Variants in MICU2 observed in about 807,000 individuals in gnomAD.
MICU2 encodes the protein calcium uptake protein 2, mitochondrial.
Under a neutral mutation model 60.4 loss-of-function variants are expected in MICU2, and 64 were observed. The observed-to-expected ratio is 1.06, with a 90% CI of 0.87 to 1.31. The LOEUF (loss-of-function observed/expected upper bound fraction) is 1.31. Among genes scored for constraint, MICU2 ranks in the 50% most tolerant of loss-of-function variants. The pLI is 0.00. For synonymous variants in MICU2, 201 were observed against 175.0 expected, an observed-to-expected ratio of 1.15 and a Z score of -1.17; for missense variants, 569 against 531.0, an observed-to-expected ratio of 1.07 and a Z score of -0.70.
chr13:21,522,520 C>T lies in MICU2; in HGVS notation c.514+83G>A, dbSNP rs190153741. ...TCAATAATGTTTTTAATGATAAAGA[C>T]ATAAATGCCAAACTTTTAAAATCCT... On this transcript the variant is annotated intron_variant, in intron 5 of 11. Coordinates refer to ENST00000382374, the MANE Select transcript of MICU2 (RefSeq NM_152726.3). 3.8e-4 allele frequency: 411 copies of T among 1,071,830 alleles called. 3 individuals carry two copies. In the African/African-American group the frequency reaches 6.1e-3, roughly 16 times the overall value. 66.4% of individuals were successfully genotyped at this position (1,071,830 alleles called of 1,614,324 possible). A position where few individuals can be genotyped will look rare whatever the true frequency, so the allele number is the denominator to read the frequency against.
intron 2 of MICU2, 26 bp from the exon 3 acceptor site, chr13:21,539,714 A>G: frequency 6.2e-7 from 1 of 1,605,036 alleles, no homozygotes; most frequent in Non-Finnish European, 8.5e-7. Context: ...AACATTATTT[A>G]GTATCCATAT....
At chr13:21,599,991 A>G (rs1283644860) in intron 1 of MICU2, among the ~76,000 whole-genome samples, 1 of 152,238 alleles carries the variant, frequency 6.6e-6, no homozygotes, top group Non-Finnish European at 1.5e-5. Context: ...AATGAAGAAA[A>G]CATTAAACAA....
At chr13:21,499,326 C>A (rs1886084302) in intron 9 of MICU2, among the ~76,000 whole-genome samples, 1 of 152,080 alleles carries the variant, frequency 6.6e-6, no homozygotes, top group African/African-American at 2.4e-5. Context: ...GATTTCTCTT[C>A]TTGTGTCCTG....
intron 7 of MICU2, among the ~76,000 whole-genome samples, chr13:21,513,936 C>CTAAT (rs924559009): frequency 4.6e-5 from 7 of 151,932 alleles, no homozygotes; most frequent in African/African-American, 1.7e-4. Context: ...ACTAAAAGTA[C>CTAAT]TAATTGCCCA....
intron 1 of MICU2, among the ~76,000 whole-genome samples, chr13:21,581,829 C>T (rs762561113): frequency 6.6e-6 from 1 of 151,928 alleles, no homozygotes; most frequent in Non-Finnish European, 1.5e-5. Flanking sequence ...ATGTCACCAG[C>T]TAAAGCAGAT....
intron 6 of MICU2, among the ~76,000 whole-genome samples, chr13:21,518,485 A>G (rs1433544079): frequency 6.6e-6 from 1 of 152,214 alleles, no homozygotes; most frequent in African/African-American, 2.4e-5. Flanking sequence ...CCCACTTTAT[A>G]AAATCGCCTC....
At chr13:21,508,575 G>A (rs1005781862) in intron 8 of MICU2, among the ~76,000 whole-genome samples, 1 of 152,134 alleles carries the variant, frequency 6.6e-6, no homozygotes, top group African/African-American at 2.4e-5. Flanking sequence ...TAATCAACAA[G>A]CTACCTCTAT....
intron 7 of MICU2, among the ~76,000 whole-genome samples, chr13:21,513,107 T>G (rs1319924201): frequency 2.6e-5 from 4 of 152,202 alleles, no homozygotes; most frequent in Non-Finnish European, 4.4e-5. Context: ...CAATTATTAG[T>G]TCTAGAAGCT....
intron 2 of MICU2, among the ~76,000 whole-genome samples, chr13:21,566,270 A>C (rs1315760509): frequency 6.6e-6 from 1 of 152,238 alleles, no homozygotes; most frequent in Admixed American, 6.5e-5. Flanking sequence ...TACTTCTTCA[A>C]TATGGGCACA....
At chr13:21,566,316 G>C (rs1459422958) in intron 2 of MICU2, among the ~76,000 whole-genome samples, 1 of 152,138 alleles carries the variant, frequency 6.6e-6, no homozygotes, top group Non-Finnish European at 1.5e-5. Flanking sequence ...GCAAAATGAG[G>C]ACTAATTTAG....
intron 2 of MICU2, among the ~76,000 whole-genome samples, chr13:21,558,138 T>C (rs1328580699): frequency 6.6e-6 from 1 of 152,244 alleles, no homozygotes; most frequent in Non-Finnish European, 1.5e-5. Context: ...ATCTGCTTAT[T>C]TGCTATTTGT....
chr13:21,565,483 C>T (rs958340681), intron 2 of MICU2, among the ~76,000 whole-genome samples: 3 of 152,056 alleles, frequency 2.0e-5, no homozygotes, highest in African/African-American at 7.2e-5. Context: ...CAGTGAAACA[C>T]CGTCTCTATT....
At chr13:21,514,966 T>C (rs1368955116) in intron 6 of MICU2, among the ~76,000 whole-genome samples, 1 of 152,202 alleles carries the variant, frequency 6.6e-6, no homozygotes, top group Non-Finnish European at 1.5e-5. Context: ...GTTTACTTAA[T>C]AGATACATGT....
intron 11 of MICU2, among the ~76,000 whole-genome samples, chr13:21,494,868 T>C (rs567442822): frequency 1.3e-5 from 2 of 152,156 alleles, no homozygotes; most frequent in African/African-American, 4.8e-5. Context: ...TTTTAAAAAA[T>C]TATTTTTTTT....
intron 1 of MICU2, among the ~76,000 whole-genome samples, chr13:21,589,005 C>A (rs886883409): frequency 1.3e-5 from 2 of 152,170 alleles, no homozygotes; most frequent in African/African-American, 2.4e-5. Context: ...GAAAGCTGAA[C>A]AATTAAGGGC....
chr13:21,600,284 C>G (rs895096462), intron 1 of MICU2, among the ~76,000 whole-genome samples: 2 of 152,202 alleles, frequency 1.3e-5, no homozygotes, highest in African/African-American at 4.8e-5. Flanking sequence ...CCAACTCTTA[C>G]TTCCAGATCT....
chr13:21,559,587 C>T (rs1046187926), intron 2 of MICU2, among the ~76,000 whole-genome samples: 8 of 150,400 alleles, frequency 5.3e-5, no homozygotes, highest in South Asian at 2.1e-4. Context: ...TGCAGTGGTG[C>T]GATCTGGGCT....
rs1888890482 is a variant in MICU2 at position 21,603,930 on chromosome 13, G to C, written c.210+9C>G. 2 of 1,612,044 alleles carry C rather than the reference G, an allele frequency of 1.2e-6. No homozygotes were observed. The highest frequency in any genetic ancestry group is 2.7e-5 in the African/African-American group (2 of 74,710). On this transcript the variant is annotated intron_variant, in intron 1 of 11. Coordinates refer to ENST00000382374, the MANE Select transcript of MICU2 (RefSeq NM_152726.3). The stretch of plus-strand genomic sequence containing the variant: ...TGACTGGGGCTAGCAGAAGGAGTTA[G>C]TCCTGTACCTGTGCGGAGACTGTAA...
chr13:21,569,803 GTCA>G (rs1443000068), intron 1 of MICU2, among the ~76,000 whole-genome samples: 2 of 148,988 alleles, frequency 1.3e-5, no homozygotes, highest in Non-Finnish European at 3.0e-5. Flanking sequence ...CACCATTTTT[GTCA>G]TCTTCGTTTT....
Sources: gnomAD v4.1 joint callset for allele counts (sites outside exome capture counted in the v4.1 genomes callset) on GRCh38, gnomAD v4.1.1 for gene constraint, MANE v1.5 for transcripts, NCBI Gene and HGNC (gene_info 2026-07-23, HGNC 2026-07-21) for gene names.